OCA2: variants seen among roughly 807,000 people sequenced by gnomAD.
OCA2 encodes P protein.
Under a neutral mutation model 100.2 loss-of-function variants are expected in OCA2, and 77 were observed. The ratio of observed to expected loss-of-function variants is 0.77; its 90% CI spans 0.64 to 0.93. OCA2 has a LOEUF of 0.93. OCA2 is among the 40% of genes least tolerant of loss of function. The pLI, the probability that OCA2 is intolerant of heterozygous loss-of-function variation, is 0.00. For synonymous variants in OCA2, 432 were observed against 439.2 expected (o/e 0.98, Z 0.21); for missense variants, 1,062 against 1,089.1 (o/e 0.98, Z 0.35).
At chr15:27,958,690 C>T (rs887722947) in intron 15 of OCA2, among the ~76,000 whole-genome samples, 3 of 152,204 alleles carry the variant, frequency 2.0e-5, no homozygotes, top group African/African-American at 7.2e-5. Flanking sequence ...TGAAAACCTA[C>T]ATTTAACCTC....
intron 2 of OCA2, among the ~76,000 whole-genome samples, chr15:28,053,140 C>T (rs1303776202): frequency 6.6e-6 from 1 of 152,216 alleles, no homozygotes; most frequent in Non-Finnish European, 1.5e-5. Context: ...TGTAACTATA[C>T]TGATATCAGA....
chr15:27,926,930 T>C (rs1316944886), intron 18 of OCA2, among the ~76,000 whole-genome samples: 1 of 152,156 alleles, frequency 6.6e-6, no homozygotes, highest in Non-Finnish European at 1.5e-5. Flanking sequence ...ATTTTTTGTC[T>C]GACTGTTTCT....
chr15:27,926,277 A>G (rs763539421), intron 18 of OCA2, 23 bp from the exon 19 acceptor site: 1 of 1,613,586 alleles, frequency 6.2e-7, no homozygotes, highest in Non-Finnish European at 8.5e-7. Flanking sequence ...AAATAGACAT[A>G]GAGATATAGT....
intron 19 of OCA2, among the ~76,000 whole-genome samples, chr15:27,877,626 T>C (rs1209366403): frequency 6.6e-6 from 1 of 152,076 alleles, no homozygotes; most frequent in Non-Finnish European, 1.5e-5. Flanking sequence ...TGGCCTTTTA[T>C]GCTTATTACC....
At chr15:27,785,938 A>G (rs1050140938) in intron 23 of OCA2, among the ~76,000 whole-genome samples, 3 of 152,238 alleles carry the variant, frequency 2.0e-5, no homozygotes, top group African/African-American at 7.2e-5. Flanking sequence ...ACCTGCTACA[A>G]TGTGAATGCA....
chr15:27,809,392 A>G (rs1566980704), intron 23 of OCA2, among the ~76,000 whole-genome samples: 1 of 152,186 alleles, frequency 6.6e-6, no homozygotes, highest in African/African-American at 2.4e-5. Context: ...AAAGCGATAT[A>G]TGACCAACCC....
intron 1 of OCA2, among the ~76,000 whole-genome samples, chr15:28,087,634 C>T (rs1021321822): frequency 6.6e-6 from 1 of 152,152 alleles, no homozygotes; most frequent in African/African-American, 2.4e-5. Context: ...ATAGTCCCAG[C>T]TACTCAGGAG....
At chr15:28,056,003 G>C (rs1048700107) in intron 2 of OCA2, among the ~76,000 whole-genome samples, 3 of 152,100 alleles carry the variant, frequency 2.0e-5, no homozygotes, top group Non-Finnish European at 2.9e-5. Flanking sequence ...AGACACAAGA[G>C]GGCAGAGACC....
intron 19 of OCA2, among the ~76,000 whole-genome samples, chr15:27,906,758 A>G (rs1441711652): frequency 6.6e-6 from 1 of 152,234 alleles, no homozygotes; most frequent in Non-Finnish European, 1.5e-5. Flanking sequence ...AAGTGTAACA[A>G]AGGATTCCAA....
chr15:27,959,422 C>G (rs1320422527), intron 15 of OCA2, among the ~76,000 whole-genome samples: 1 of 152,170 alleles, frequency 6.6e-6, no homozygotes, highest in Non-Finnish European at 1.5e-5. Context: ...ACACTGAACA[C>G]AAAAACACCA....
At chr15:27,966,850 G>A in intron 14 of OCA2, 28 bp from the exon 15 acceptor site, 1 of 1,592,452 alleles carries the variant, frequency 6.3e-7, no homozygotes, top group Non-Finnish European at 8.6e-7. Context: ...GAAATGAAAT[G>A]GCAGCCCAGG....
At chr15:27,835,400 G>A (rs1036045150) in intron 23 of OCA2, among the ~76,000 whole-genome samples, 5 of 152,128 alleles carry the variant, frequency 3.3e-5, no homozygotes, top group African/African-American at 9.7e-5. Context: ...GGCCCCCACC[G>A]CCATCCCAGC....
chr15:27,845,680 G>A (rs56269421), intron 22 of OCA2, among the ~76,000 whole-genome samples: 5,635 of 152,154 alleles, frequency 0.037, 113 homozygotes, highest in South Asian at 0.06. Flanking sequence ...TCACACCCAG[G>A]GAAGGCCCAG....
intron 1 of OCA2, among the ~76,000 whole-genome samples, chr15:28,095,325 C>T (rs534803080): frequency 2.0e-5 from 3 of 152,320 alleles, no homozygotes; most frequent in South Asian, 4.1e-4. Context: ...GCCCTCCCAC[C>T]CCGCCCCTGT....
chr15:27,990,176 G>A (rs910586526), intron 10 of OCA2, among the ~76,000 whole-genome samples: 2 of 152,010 alleles, frequency 1.3e-5, no homozygotes, highest in African/African-American at 4.8e-5. Context: ...CCCCAAACAC[G>A]CCTCTCCAGG....
At chr15:27,770,465 C>T (rs1305844678) in intron 23 of OCA2, among the ~76,000 whole-genome samples, 12 of 152,208 alleles carry the variant, frequency 7.9e-5, no homozygotes, top group Admixed American at 7.2e-4. Context: ...GCATCCACAC[C>T]GGCTGCCCTG....
chr15:28,073,251 T>C (rs1595912925), intron 2 of OCA2, among the ~76,000 whole-genome samples: 1 of 152,180 alleles, frequency 6.6e-6, no homozygotes. Flanking sequence ...CCGTCTCTAT[T>C]AAAAATACAA....
chr15:28,078,297 C>T (rs958770224), intron 2 of OCA2, among the ~76,000 whole-genome samples: 2 of 152,210 alleles, frequency 1.3e-5, no homozygotes, highest in African/African-American at 4.8e-5. Context: ...TTTCCTTCAT[C>T]ACTATTCATC....
intron 14 of OCA2, 132 bp from the exon 15 acceptor site, chr15:27,966,954 C>T: frequency 9.9e-7 from 1 of 1,012,334 alleles, no homozygotes; most frequent in South Asian, 1.4e-5. Context: ...ACAGTGAAAA[C>T]CTGTCTCTAC....
Sources: gnomAD v4.1 joint callset for allele counts (sites outside exome capture counted in the v4.1 genomes callset) on GRCh38, gnomAD v4.1.1 for gene constraint, MANE v1.5 for transcripts, NCBI Gene and HGNC (gene_info 2026-07-23, HGNC 2026-07-21) for gene names.